MYL1: variants seen among roughly 807,000 people sequenced by gnomAD.
MYL1 encodes the protein myosin light chain 1.
In MYL1, 16 loss-of-function variants were observed where a neutral mutation model predicts 21.8. The ratio of observed to expected loss-of-function variants is 0.74; its 90% confidence interval spans 0.50 to 1.12. The LOEUF is 1.12. Ranked by LOEUF, MYL1 falls within the 50% of genes most tolerant of loss-of-function variation. The probability of loss-of-function intolerance (pLI) is 0.00; values close to 1 mark genes in which losing one functional copy is unlikely to be tolerated. For synonymous variants in MYL1, 99 were observed against 85.2 expected, an observed-to-expected ratio of 1.16 and a Z score of -0.89; for missense variants, 246 against 241.0, an observed-to-expected ratio of 1.02 and a Z score of -0.14.
intron 3 of MYL1, among the ~76,000 whole-genome samples, chr2:210,297,524 T>G (rs766015797): frequency 2.0e-5 from 3 of 151,916 alleles, no homozygotes; most frequent in East Asian, 1.9e-4. Context: ...CGTGGGTTTT[T>G]TTTTTTGGCT....
At chr2:210,298,368 T>G in intron 3 of MYL1, 52 bp downstream of exon 3, 1 of 1,170,018 alleles carries the variant, frequency 8.5e-7, no homozygotes, top group South Asian at 1.4e-5. Flanking sequence ...ACACACACAC[T>G]GCTACACACT....
intron 5 of MYL1, among the ~76,000 whole-genome samples, chr2:210,292,389 T>C (rs1427753073): frequency 8.6e-6 from 1 of 116,602 alleles, no homozygotes; most frequent in Non-Finnish European, 1.9e-5. Flanking sequence ...GTAGTTTTAA[T>C]TTGCTTTTTA....
intron 1 of MYL1, among the ~76,000 whole-genome samples, chr2:210,309,887 C>T (rs1690393259): frequency 6.6e-6 from 1 of 152,018 alleles, no homozygotes; most frequent in East Asian, 1.9e-4. Flanking sequence ...AATTGGTGAA[C>T]ATATCTCTTC....
intron 3 of MYL1, among the ~76,000 whole-genome samples, chr2:210,297,057 C>A (rs1690185570): frequency 6.9e-6 from 1 of 144,096 alleles, no homozygotes; most frequent in South Asian, 2.2e-4. Flanking sequence ...AAAATATTTT[C>A]TTTATCCATT....
chr2:210,303,219 G>A (rs1342168650), intron 1 of MYL1, among the ~76,000 whole-genome samples: 1 of 152,112 alleles, frequency 6.6e-6, no homozygotes, highest in Non-Finnish European at 1.5e-5. Flanking sequence ...TCACTGGATT[G>A]TATTTTAATG....
At chr2:210,298,875 A>AATTCTAAGG (rs1178711633) in intron 2 of MYL1, among the ~76,000 whole-genome samples, 1 of 152,178 alleles carries the variant, frequency 6.6e-6, no homozygotes, top group Non-Finnish European at 1.5e-5. Context: ...TGGGTTAAAA[A>AATTCTAAGG]ATTCTAAGGC....
chr2:210,313,453 A>G (rs1160828071), intron 1 of MYL1, among the ~76,000 whole-genome samples: 1 of 151,998 alleles, frequency 6.6e-6, no homozygotes, highest in Non-Finnish European at 1.5e-5. Flanking sequence ...TACATTAACT[A>G]GGATTGCTGG....
At chr2:210,292,707 T>C (rs1690098416) in intron 5 of MYL1, among the ~76,000 whole-genome samples, 1 of 152,194 alleles carries the variant, frequency 6.6e-6, no homozygotes, top group Non-Finnish European at 1.5e-5. Context: ...CACTCCAAAG[T>C]TATAAAATTA....
At chr2:210,311,054 T>C (rs1361840522) in intron 1 of MYL1, among the ~76,000 whole-genome samples, 1 of 152,056 alleles carries the variant, frequency 6.6e-6, no homozygotes, top group Admixed American at 6.6e-5. Context: ...TTCAGTGTAA[T>C]ATTGTGAGGA....
rs145247283 is a variant in MYL1, at chr2:210,314,139, A to C, written c.132+772T>G. ...ACTTTGATCACAGCAAAGTGTTAAC[A>C]CAATAATTAATCACATTTTTCTTAG... On this transcript the variant is annotated intron_variant, in intron 1 of 6. Transcript: ENST00000352451. 4.3e-3 allele frequency among the ~76,000 whole-genome samples: 655 copies of C among 152,282 alleles called. 7 individuals carry two copies. The highest frequency in any genetic ancestry group is 0.015 in the African/African-American group (620 of 41,576).
chr2:210,298,589 T>G, intron 2 of MYL1, 26 bp from the exon 3 acceptor site: 1 of 1,612,904 alleles, frequency 6.2e-7, no homozygotes, highest in Non-Finnish European at 8.5e-7. Context: ...AGCATTAGAG[T>G]GCTCTTTTCT....
intron 3 of MYL1, 71 bp downstream of exon 3, chr2:210,298,349 C>CACACACACACAA (rs1690210291): frequency 1.3e-6 from 2 of 1,527,502 alleles, no homozygotes. Context: ...TACACACACA[C>CACACACACACAA]ACACACACAC....
At position 210,304,711 on chromosome 2, in the gene MYL1, T is replaced by G. The variant is rs79575927; in HGVS notation, c.133-2196A>C. Among the ~76,000 whole-genome samples the G allele has an allele frequency of 1.1e-4, 16 of 152,256 alleles. No homozygotes were observed. In the East Asian group the frequency reaches 2.9e-3, roughly 28 times the overall value. On this transcript the variant is annotated intron_variant, in intron 1 of 6. Coordinates refer to ENST00000352451, the MANE Select transcript of MYL1 (RefSeq NM_079420.3). ...GCATGTGCCACTGCACCTGACTAAT[T>G]TTTATTTTGACTTTTTGTAGATACA...
At chr2:210,291,850 C>T (rs1575700871) in intron 5 of MYL1, among the ~76,000 whole-genome samples, 1 of 152,246 alleles carries the variant, frequency 6.6e-6, no homozygotes, top group East Asian at 1.9e-4. Flanking sequence ...ATGGTCATCT[C>T]ATTTGAGTGA....
chr2:210,301,238 T>C (rs929292784), intron 2 of MYL1, among the ~76,000 whole-genome samples: 4 of 152,114 alleles, frequency 2.6e-5, no homozygotes, highest in African/African-American at 9.6e-5. Flanking sequence ...CCAACTGTTT[T>C]CAATGAGAAA....
chr2:210,306,533 A>G (rs1051771823), intron 1 of MYL1, among the ~76,000 whole-genome samples: 6 of 152,160 alleles, frequency 3.9e-5, no homozygotes, highest in Non-Finnish European at 7.3e-5. Flanking sequence ...CCTTTATCAC[A>G]TAGAGAATGC....
chr2:210,314,070 C>T (rs769553579), intron 1 of MYL1, among the ~76,000 whole-genome samples: 22 of 152,036 alleles, frequency 1.4e-4, no homozygotes, highest in Non-Finnish European at 2.9e-4. Context: ...AGTTAACAGA[C>T]GTACCTATTT....
At position 210,293,916 on chromosome 2, in the gene MYL1, C is replaced by T. The variant is rs1690125808; in HGVS notation, c.479-116G>A. Reference sequence around the variant, plus strand: ...AACTCTTGACATATAGGAACTGTGACTTTCCCATTCTTTTGGTACTTAATA... The same window carrying T: ...AACTCTTGACATATAGGAACTGTGATTTTCCCATTCTTTTGGTACTTAATA... On this transcript the variant is annotated intron_variant, in intron 4 of 6. Transcript: ENST00000352451. The T allele has an allele frequency of 5.8e-6, 5 of 855,712 alleles. No individual in the cohort carries two copies. The Admixed American group carries it at 1.1e-4, about 19-fold the overall frequency. 53.0% of individuals were successfully genotyped at this position (855,712 alleles called of 1,614,324 possible). A position where few individuals can be genotyped will look rare whatever the true frequency, so the allele number is the denominator to read the frequency against.
chr2:210,298,529 T>C lies in MYL1; in HGVS notation c.195A>G (p.Thr65=). 6.2e-7 allele frequency: 1 copy of C among 1,614,138 alleles called. No homozygotes were observed. Among genetic ancestry groups the C allele is most frequent in the South Asian group, 1.1e-5 (1 of 91,082 alleles). The part of the protein sequence containing the change: ...FKEAFLLFDR[T]GDSKITLSQV... ...GGCTTAAGGTGATCTTGGAATCACCTGTTCTGTCAAACAGGAGAAATGCCT... is the reference window on the plus strand; with the variant it reads ...GGCTTAAGGTGATCTTGGAATCACCCGTTCTGTCAAACAGGAGAAATGCCT... The change falls in exon 3 of 7, where the codon ACA becomes ACG. Residue 65 remains threonine (T), a synonymous_variant. Coordinates refer to ENST00000352451, the MANE Select transcript of MYL1 (RefSeq NM_079420.3).
Sources: gnomAD v4.1 joint callset for allele counts (sites outside exome capture counted in the v4.1 genomes callset) on GRCh38, gnomAD v4.1.1 for gene constraint, MANE v1.5 for transcripts, NCBI Gene and HGNC (gene_info 2026-07-23, HGNC 2026-07-21) for gene names.